Variants in SMC1B observed in about 807,000 individuals in gnomAD.
SMC1B encodes structural maintenance of chromosomes protein 1B.
In SMC1B, 60 loss-of-function variants were observed where a neutral mutation model predicts 157.9. The ratio of observed to expected loss-of-function variants is 0.38; its 90% CI spans 0.31 to 0.47. SMC1B has a LOEUF of 0.47. Among genes scored for constraint, SMC1B ranks in the 20% least tolerant of loss-of-function variants. The pLI is 0.99. For synonymous variants in SMC1B, 445 were observed against 483.0 expected, an observed-to-expected ratio of 0.92 and a Z score of 1.03; for missense variants, 1,165 against 1,426.2, an observed-to-expected ratio of 0.82 and a Z score of 2.95.
intron 1 of SMC1B, among the ~76,000 whole-genome samples, chr22:45,409,730 C>T (rs1156757432): frequency 6.6e-6 from 1 of 151,974 alleles, no homozygotes; most frequent in African/African-American, 2.4e-5. Flanking sequence ...TTTTGAAAGT[C>T]CTACTTACAA....
intron 15 of SMC1B, among the ~76,000 whole-genome samples, 170 bp from the exon 16 acceptor site, chr22:45,363,196 T>A (rs1767208275): frequency 6.6e-6 from 1 of 152,244 alleles, no homozygotes; most frequent in South Asian, 2.1e-4. Flanking sequence ...TCTTGTTTCA[T>A]TGATAACTCC....
chr22:45,394,597 C>A (rs779453015), intron 8 of SMC1B, 88 bp downstream of exon 8: 45 of 1,336,322 alleles, frequency 3.4e-5, no homozygotes, highest in Non-Finnish European at 4.3e-5. Flanking sequence ...GACTGCGCCA[C>A]TGCACTCTGG....
intron 16 of SMC1B, among the ~76,000 whole-genome samples, chr22:45,362,508 C>A (rs2086731513): frequency 6.6e-6 from 1 of 152,178 alleles, no homozygotes; most frequent in African/African-American, 2.4e-5. Flanking sequence ...CATAAACCAG[C>A]AACTCCCAAA....
chr22:45,392,793 C>T (rs536626618), intron 9 of SMC1B, among the ~76,000 whole-genome samples: 11 of 152,144 alleles, frequency 7.2e-5, no homozygotes, highest in Admixed American at 4.6e-4. Context: ...CTCTGCCTCC[C>T]GGGTTCAAGC....
At chr22:45,359,764 C>A in intron 18 of SMC1B, 41 bp downstream of exon 18, 1 of 1,593,496 alleles carries the variant, frequency 6.3e-7, no homozygotes, top group Non-Finnish European at 8.6e-7. Context: ...GCATTAAGTT[C>A]CACACAACGG....
intron 10 of SMC1B, among the ~76,000 whole-genome samples, chr22:45,388,867 A>G (rs994011963): frequency 1.1e-4 from 16 of 151,782 alleles, no homozygotes; most frequent in African/African-American, 3.9e-4. Flanking sequence ...ACATACCTGT[A>G]ACCCAGCTAC....
chr22:45,389,621 T>C, intron 10 of SMC1B, 91 bp downstream of exon 10: 1 of 1,154,308 alleles, frequency 8.7e-7, no homozygotes, highest in Non-Finnish European at 1.2e-6. Flanking sequence ...ACAATTTTTC[T>C]CTATCACTAT....
chr22:45,370,970 A>C (rs1219431914), intron 14 of SMC1B, among the ~76,000 whole-genome samples: 1 of 152,228 alleles, frequency 6.6e-6, no homozygotes, highest in Non-Finnish European at 1.5e-5. Flanking sequence ...GTAACAAATC[A>C]CTTTGTAAGG....
chr22:45,345,967 G>C (rs1031774850), intron 23 of SMC1B, among the ~76,000 whole-genome samples: 1 of 150,854 alleles, frequency 6.6e-6, no homozygotes, highest in Non-Finnish European at 1.5e-5. Flanking sequence ...ACTTTGGGAG[G>C]CTGAGGCAGG....
At position 45,395,758 on chromosome 22, in the gene SMC1B, G is replaced by T. The variant is rs147504762; in HGVS notation, c.1254+588C>A. Among the ~76,000 whole-genome samples, 192 of 152,330 alleles carry T rather than the reference G, an allele frequency of 1.3e-3. 2 individuals carry two copies. Among genetic ancestry groups the T allele is most frequent in the African/African-American group, 4.2e-3 (176 of 41,578 alleles). ...TGTAATCCCAACTACTCAGGAGGCT[G>T]AGACAGGAGAATTGCCTGAACCTGG... On this transcript the variant is annotated intron_variant, in intron 7 of 24. Coordinates refer to ENST00000357450, the MANE Select transcript of SMC1B (RefSeq NM_148674.5).
chr22:45,387,502 A>G (rs190775882), intron 10 of SMC1B, among the ~76,000 whole-genome samples: 128 of 152,312 alleles, frequency 8.4e-4, no homozygotes, highest in Non-Finnish European at 1.4e-3. Context: ...TAAAAGATTG[A>G]TAAGAACATG....
chr22:45,404,184 C>T (rs2087230046), intron 4 of SMC1B, among the ~76,000 whole-genome samples: 1 of 152,176 alleles, frequency 6.6e-6, no homozygotes, highest in South Asian at 2.1e-4. Flanking sequence ...TCAAGTAATC[C>T]ACCTGCCTCG....
At chr22:45,388,881 G>A (rs2087021473) in intron 10 of SMC1B, among the ~76,000 whole-genome samples, 2 of 151,416 alleles carry the variant, frequency 1.3e-5, no homozygotes, top group South Asian at 4.2e-4. Context: ...CAGCTACTTG[G>A]GAGGCTGAGG....
chr22:45,347,732 G>T lies in SMC1B; in HGVS notation c.3495+1996C>A, dbSNP rs377507543. Among the ~76,000 whole-genome samples, 21 of 152,270 alleles carry T rather than the reference G, an allele frequency of 1.4e-4. 2 individuals carry two copies. The South Asian group carries it at 1.9e-3, about 14-fold the overall frequency. On this transcript the variant is annotated intron_variant, in intron 23 of 24. Transcript: ENST00000357450. ...GCTTCTCAAAGTGTTGGAATTACAG[G>T]CATGAGCCATCACGCCTGGCCCAGA...
rs2146745717 is a variant in SMC1B, at chr22:45,344,578, T to C, written c.3686A>G (p.Lys1229Arg). Residue 1229 changes from lysine to arginine, a missense_variant, in exon 25 of 25, where the codon AAG becomes AGG. Coordinates refer to ENST00000357450, the MANE Select transcript of SMC1B (RefSeq NM_148674.5). ...YPDTEGQESS[K>R]RHGESR ...CCCCTAGCGGGACTCTCCGTGTCTCTTGCTGCTTTCTTGGCCTTCAGTGTC... is the reference window on the plus strand; with the variant it reads ...CCCCTAGCGGGACTCTCCGTGTCTCCTGCTGCTTTCTTGGCCTTCAGTGTC... 2 of 1,614,028 alleles carry C rather than the reference T, an allele frequency of 1.2e-6. No individual in the cohort carries two copies. The highest frequency in any genetic ancestry group is 8.5e-7 in the Non-Finnish European group (1 of 1,179,858).
chr22:45,383,077 G>A (rs551317697), intron 12 of SMC1B, among the ~76,000 whole-genome samples: 16 of 151,748 alleles, frequency 1.1e-4, no homozygotes, highest in Non-Finnish European at 2.2e-4. Context: ...AGGTTGTGGT[G>A]AGCCAAGATC....
intron 14 of SMC1B, 38 bp downstream of exon 14, chr22:45,371,433 T>G (rs1235120846): frequency 6.5e-7 from 1 of 1,539,286 alleles, no homozygotes; most frequent in African/African-American, 1.4e-5. Context: ...GGTCTAGAAC[T>G]ACATATACCA....
At chr22:45,354,714 A>G (rs1290130235) in intron 20 of SMC1B, among the ~76,000 whole-genome samples, 2 of 152,126 alleles carry the variant, frequency 1.3e-5, no homozygotes, top group East Asian at 1.9e-4. Context: ...TATTATGTCA[A>G]TTTTTTTGGT....
chr22:45,396,315 T>C (rs770685765), intron 7 of SMC1B, 31 bp downstream of exon 7: 2 of 1,572,356 alleles, frequency 1.3e-6, no homozygotes, highest in Non-Finnish European at 1.7e-6. Context: ...TTAAGAATGA[T>C]TCTAAATCAT....
Sources: allele counts gnomAD v4.1 joint callset (sites outside exome capture counted in the v4.1 genomes callset), GRCh38; gene constraint gnomAD v4.1.1; transcripts MANE v1.5; gene names NCBI Gene and HGNC (gene_info 2026-07-23, HGNC 2026-07-21).